KLF12: variants seen among roughly 807,000 people sequenced by gnomAD.
The protein encoded by KLF12 is KLF transcription factor 12.
Under a neutral mutation model 37.8 loss-of-function variants are expected in KLF12, and 9 were observed. The ratio of observed to expected loss-of-function variants is 0.24; its 90% CI spans 0.14 to 0.42. The LOEUF (loss-of-function observed/expected upper bound fraction) is 0.42. KLF12 is among the 10% of genes least tolerant of loss of function. KLF12 has a pLI of 1.00. For missense variants in KLF12, 411 were observed against 516.0 expected (o/e 0.80, Z 1.97); for synonymous variants, 208 against 202.1 (o/e 1.03, Z -0.25).
chr13:73,991,305 C>A (rs149435334), intron 2 of KLF12, among the ~76,000 whole-genome samples: 135 of 152,274 alleles, frequency 8.9e-4, no homozygotes, highest in African/African-American at 3.2e-3. Context: ...AAGGCGTGCT[C>A]AACATAACAC....
intron 1 of KLF12, among the ~76,000 whole-genome samples, chr13:74,085,701 C>T (rs993447918): frequency 2.5e-4 from 38 of 152,160 alleles, no homozygotes; most frequent in African/African-American, 8.7e-4. Context: ...CCACAATCAA[C>T]GGACAACTTG....
the KLF12 span, among the ~76,000 whole-genome samples, chr13:74,223,191 G>T: frequency 6.6e-6 from 1 of 152,166 alleles, no homozygotes; most frequent in Non-Finnish European, 1.5e-5. Context: ...CTTATTTTAT[G>T]AGTAAACAAT....
At chr13:74,229,558 A>G in the KLF12 span, among the ~76,000 whole-genome samples, 1 of 152,224 alleles carries the variant, frequency 6.6e-6, no homozygotes, top group Admixed American at 6.5e-5. Flanking sequence ...AATTTGGAAA[A>G]GGTAAGAGTT....
chr13:74,054,362 C>T (rs1593861257), intron 1 of KLF12, among the ~76,000 whole-genome samples: 1 of 152,116 alleles, frequency 6.6e-6, no homozygotes, highest in South Asian at 2.1e-4. Context: ...ATTAGGGTAG[C>T]TGTAGTCAGA....
At chr13:74,089,577 G>T (rs945864182) in intron 1 of KLF12, among the ~76,000 whole-genome samples, 1 of 151,810 alleles carries the variant, frequency 6.6e-6, no homozygotes, top group African/African-American at 2.4e-5. Context: ...CTAGCAACAT[G>T]AAAAAATTAA....
At chr13:73,780,151 A>G (rs1176436114) in intron 5 of KLF12, among the ~76,000 whole-genome samples, 1 of 152,330 alleles carries the variant, frequency 6.6e-6, no homozygotes, top group East Asian at 1.9e-4. Flanking sequence ...CCACACTCTT[A>G]AACAATATCC....
At chr13:74,294,731 A>G in the KLF12 span, among the ~76,000 whole-genome samples, 1 of 152,228 alleles carries the variant, frequency 6.6e-6, no homozygotes, top group Non-Finnish European at 1.5e-5. Flanking sequence ...TTCACATCCA[A>G]TTGGTAACCA....
the KLF12 span, among the ~76,000 whole-genome samples, chr13:74,302,104 G>A: frequency 2.0e-5 from 3 of 152,100 alleles, no homozygotes; most frequent in Non-Finnish European, 4.4e-5. Context: ...CCCCTGGGTA[G>A]CACTGGGGCC....
chr13:73,797,508 G>A (rs543133226), intron 5 of KLF12, among the ~76,000 whole-genome samples: 15 of 152,214 alleles, frequency 9.9e-5, no homozygotes, highest in Admixed American at 6.5e-4. Context: ...AGTGGCTCAC[G>A]CCTATAATCC....
At chr13:73,920,679 C>CT (rs1250733833) in intron 3 of KLF12, among the ~76,000 whole-genome samples, 1 of 152,100 alleles carries the variant, frequency 6.6e-6, no homozygotes, top group Non-Finnish European at 1.5e-5. Context: ...GTTCTCTGTC[C>CT]TTTCCTAAAA....
At chr13:74,277,212 G>A in the KLF12 span, among the ~76,000 whole-genome samples, 21 of 152,168 alleles carry the variant, frequency 1.4e-4, no homozygotes, top group African/African-American at 3.1e-4. Flanking sequence ...TATTGCTTTC[G>A]TTTCTGGAGG....
intron 3 of KLF12, among the ~76,000 whole-genome samples, chr13:73,890,637 C>T (rs1465147062): frequency 1.3e-5 from 2 of 151,730 alleles, no homozygotes; most frequent in African/African-American, 4.8e-5. Context: ...TGCACTAGGC[C>T]CCAGCAGACT....
intron 3 of KLF12, among the ~76,000 whole-genome samples, chr13:73,934,967 T>G (rs1006877079): frequency 7.5e-6 from 1 of 133,714 alleles, no homozygotes; most frequent in African/African-American, 3.0e-5. Context: ...ATTTATTTAT[T>G]TATTTATTTA....
At chr13:74,280,641 G>C in the KLF12 span, among the ~76,000 whole-genome samples, 2 of 152,116 alleles carry the variant, frequency 1.3e-5, no homozygotes, top group Non-Finnish European at 2.9e-5. Context: ...GTTGGTGGTA[G>C]AAAGTACCCT....
chr13:73,786,467 C>T (rs61957285), intron 5 of KLF12, among the ~76,000 whole-genome samples: 11,102 of 152,200 alleles, frequency 0.073, 570 homozygotes, highest in Middle Eastern at 0.18. Flanking sequence ...CACATCACTT[C>T]TCTATAAACC....
At chr13:74,104,315 C>T (rs1876530913) in intron 1 of KLF12, among the ~76,000 whole-genome samples, 2 of 152,140 alleles carry the variant, frequency 1.3e-5, no homozygotes, top group Admixed American at 6.5e-5. Flanking sequence ...TTTATTCAAC[C>T]GTAACTGTAC....
At chr13:73,952,687 G>A (rs1439703639) in intron 2 of KLF12, among the ~76,000 whole-genome samples, 25 of 152,178 alleles carry the variant, frequency 1.6e-4, no homozygotes, top group Admixed American at 1.6e-3. Context: ...CCTGCCTTAA[G>A]ACAGCTTGAC....
At chr13:74,093,042 A>C (rs1416206741) in intron 1 of KLF12, among the ~76,000 whole-genome samples, 2 of 152,246 alleles carry the variant, frequency 1.3e-5, no homozygotes, top group East Asian at 3.8e-4. Context: ...AGAGAGACAG[A>C]AAGAAACTGG....
chr13:74,126,520 T>A (rs1877952786), intron 1 of KLF12, among the ~76,000 whole-genome samples: 2 of 152,202 alleles, frequency 1.3e-5, no homozygotes, highest in African/African-American at 4.8e-5. Flanking sequence ...TAAAGATTCA[T>A]CACTTTCAGC....
Sources: allele counts gnomAD v4.1 joint callset (sites outside exome capture counted in the v4.1 genomes callset), GRCh38; gene constraint gnomAD v4.1.1; transcripts MANE v1.5; gene names NCBI Gene and HGNC (gene_info 2026-07-23, HGNC 2026-07-21).